Variants in PATJ observed in about 807,000 individuals in gnomAD.
PATJ encodes the protein PATJ crumbs cell polarity complex component.
PATJ carries 190 observed loss-of-function variants against 224.9 expected under a neutral mutation model. The observed-to-expected ratio is 0.84, with a 90% confidence interval of 0.75 to 0.95. The LOEUF (loss-of-function observed/expected upper bound fraction) is 0.95, where lower values mean the gene tolerates loss of function less well. PATJ is among the 40% of genes least tolerant of loss of function. The probability of loss-of-function intolerance (pLI) is 0.00; values close to 1 mark genes in which losing one functional copy is unlikely to be tolerated. For missense variants in PATJ, 2,121 were observed against 2,270.3 expected (o/e 0.93, Z 1.34); for synonymous variants, 769 against 820.3 (o/e 0.94, Z 1.07).
intron 6 of PATJ, among the ~76,000 whole-genome samples, chr1:61,773,930 C>A (rs1178901477): frequency 1.3e-5 from 2 of 151,762 alleles, no homozygotes; most frequent in Non-Finnish European, 2.9e-5. Flanking sequence ...ATCATCCTGG[C>A]TAACACGGTG....
At chr1:61,895,441 C>T (rs1464609794) in intron 22 of PATJ, among the ~76,000 whole-genome samples, 1 of 152,208 alleles carries the variant, frequency 6.6e-6, no homozygotes, top group East Asian at 1.9e-4. Context: ...AGCCTTGGGA[C>T]TTTGTACCCT....
intron 14 of PATJ, 43 bp downstream of exon 14, chr1:61,808,573 A>G (rs1408690608): frequency 1.6e-6 from 2 of 1,249,444 alleles, no homozygotes. Flanking sequence ...TATTTTTTTT[A>G]AGAGATAGGG....
rs1667640251 is a variant in PATJ, at chr1:61,878,460, C to T, written c.2959+3094C>T. Among the ~76,000 whole-genome samples, 6 of 152,198 alleles carry T rather than the reference C, an allele frequency of 3.9e-5. No homozygotes were observed. The South Asian group carries it at 1.2e-3, about 32-fold the overall frequency. On this transcript the variant is annotated intron_variant, in intron 21 of 43. Transcript: ENST00000642238. The stretch of plus-strand genomic sequence containing the variant: ...TGATTGGACCCTGATTCCAAAGTTT[C>T]TAGATGAAATAAAAAGCAGAAGTGG...
rs535628777 is a variant in PATJ, at chr1:61,800,620, G to A, written c.1403-1003G>A. ...TTATACTTTAAGTTCTAGGGTACAT[G>A]TGCACAACGTGCAGGTTTGTTACAT... On this transcript the variant is annotated intron_variant, in intron 11 of 43. Transcript: ENST00000642238. Among the ~76,000 whole-genome samples, 5 of 152,242 alleles carry A rather than the reference G, an allele frequency of 3.3e-5. No individual in the cohort carries two copies. The South Asian group carries it at 1.0e-3, about 32-fold the overall frequency.
chr1:62,097,169 G>T lies in PATJ; in HGVS notation c.4378-11268G>T, dbSNP rs1215243632. ...ATGATAGGTGGCAGAGCTAAAATCT[G>T]AACACAGGTTTATCTGGCCATAGCC... On this transcript the variant is annotated intron_variant, in intron 33 of 43. Transcript: ENST00000642238. Among the ~76,000 whole-genome samples, 5 of 152,120 alleles carry T rather than the reference G, an allele frequency of 3.3e-5. No homozygotes were observed. In the East Asian group the frequency reaches 9.7e-4, roughly 29 times the overall value.
chr1:61,841,597 T>TG (rs1444108299), intron 17 of PATJ, among the ~76,000 whole-genome samples: 3 of 76,798 alleles, frequency 3.9e-5, no homozygotes, highest in African/African-American at 1.4e-4. Flanking sequence ...TTTTTTCTCT[T>TG]GCCTTTTTTT....
intron 16 of PATJ, 102 bp downstream of exon 16, chr1:61,827,685 T>G: frequency 1.8e-6 from 2 of 1,101,672 alleles, no homozygotes; most frequent in Non-Finnish European, 2.5e-6. Context: ...CATTCCACTC[T>G]GCTCTTTTTT....
rs137997863 is a variant in PATJ, at chr1:61,805,804, G to A, written c.1626+280G>A. On this transcript the variant is annotated intron_variant, in intron 13 of 43. Transcript: ENST00000642238. ...AGTCGACAATAGACAGAAAACTGTT[G>A]GGAGAGAGGGCTTGCCTTTAAATTT... is the stretch of plus-strand genomic sequence containing the variant. 1.3e-3 allele frequency among the ~76,000 whole-genome samples: 203 copies of A among 152,306 alleles called. 1 individual carries two copies. The highest frequency in any genetic ancestry group is 4.3e-3 in the African/African-American group (179 of 41,570).
At chr1:61,754,957 G>A (rs1266207906) in intron 1 of PATJ, among the ~76,000 whole-genome samples, 1 of 151,956 alleles carries the variant, frequency 6.6e-6, no homozygotes, top group Non-Finnish European at 1.5e-5. Flanking sequence ...TCCTTACCAA[G>A]GGATACTCCA....
intron 29 of PATJ, among the ~76,000 whole-genome samples, chr1:62,021,672 A>G (rs1322017797): frequency 6.6e-6 from 1 of 152,174 alleles, no homozygotes; most frequent in African/African-American, 2.4e-5. Flanking sequence ...CAAATTAGCT[A>G]AGTTTTTTTA....
At chr1:61,807,810 T>C (rs772382551) in intron 13 of PATJ, among the ~76,000 whole-genome samples, 1 of 152,244 alleles carries the variant, frequency 6.6e-6, no homozygotes, top group Non-Finnish European at 1.5e-5. Context: ...ATGCATCATA[T>C]TTTATTAACA....
intron 34 of PATJ, among the ~76,000 whole-genome samples, chr1:62,112,665 T>C (rs1663990002): frequency 6.6e-6 from 1 of 152,224 alleles, no homozygotes. Flanking sequence ...ACCATCTGCC[T>C]GGTGGGCTGG....
At chr1:61,931,902 C>G (rs1676085304) in intron 27 of PATJ, among the ~76,000 whole-genome samples, 1 of 152,170 alleles carries the variant, frequency 6.6e-6, no homozygotes, top group Non-Finnish European at 1.5e-5. Flanking sequence ...CACACATACA[C>G]ACAGGAACAT....
chr1:62,098,687 A>G (rs1558164863), intron 33 of PATJ, among the ~76,000 whole-genome samples: 1 of 152,066 alleles, frequency 6.6e-6, no homozygotes, highest in Non-Finnish European at 1.5e-5. Flanking sequence ...TTACCTGCAG[A>G]GCTGTCAGAA....
rs1314287289 is a variant in PATJ, at chr1:61,769,309, A to G, written c.411A>G (p.Ile137Met). 1 of 1,613,204 alleles carries G rather than the reference A, an allele frequency of 6.2e-7. No individual in the cohort carries two copies. The highest frequency in any genetic ancestry group is 1.1e-5 in the South Asian group (1 of 90,856). The change falls in exon 5 of 44, where the codon ATA (isoleucine) becomes ATG (methionine). Residue 137 changes from isoleucine to methionine, a missense_variant. Transcript: ENST00000642238. ...GCCGGCAAATTGAATATATAGATAT[A>G]GAACGGCCTTCAACTGGAGGCCTTG... ...AQGRQIEYIDIERPSTGGLGF... is the reference protein window; with the variant it reads ...AQGRQIEYIDMERPSTGGLGF...
intron 8 of PATJ, among the ~76,000 whole-genome samples, chr1:61,790,177 C>T (rs1158763580): frequency 5.0e-5 from 7 of 138,682 alleles, no homozygotes; most frequent in Admixed American, 1.6e-4. Context: ...GCACTCCTAC[C>T]TGGGTGACAG....
intron 27 of PATJ, among the ~76,000 whole-genome samples, chr1:61,932,446 G>A (rs1676169714): frequency 6.6e-6 from 1 of 152,200 alleles, no homozygotes; most frequent in South Asian, 2.1e-4. Flanking sequence ...AGGGGATTGT[G>A]TTGTTTATGA....
At chr1:61,970,008 T>C (rs948524436) in intron 27 of PATJ, among the ~76,000 whole-genome samples, 16 of 152,276 alleles carry the variant, frequency 1.1e-4, no homozygotes, top group Non-Finnish European at 7.4e-5. Context: ...ATTGTGTACT[T>C]TGAACAAATG....
rs111837829 is a variant in PATJ, at chr1:62,135,287, T to TG, written c.5271+6349dup. The stretch of plus-strand genomic sequence containing the variant: ...ATCCCAGCACTTTGGGAGGCCGAGG[T>TG]GGGGGGGATCGCTTCAGGTCAGGAG... On this transcript the variant is annotated intron_variant, in intron 41 of 43. Coordinates refer to ENST00000642238, the MANE Select transcript of PATJ (RefSeq NM_001350145.3). 2.5e-3 allele frequency among the ~76,000 whole-genome samples: 373 copies of TG among 151,000 alleles called. 2 individuals are homozygous for TG. The highest frequency in any genetic ancestry group is 7.5e-3 in the African/African-American group (308 of 41,164).
Sources: gnomAD v4.1 joint callset for allele counts (sites outside exome capture counted in the v4.1 genomes callset) on GRCh38, gnomAD v4.1.1 for gene constraint, MANE v1.5 for transcripts, NCBI Gene and HGNC (gene_info 2026-07-23, HGNC 2026-07-21) for gene names.